The following DLGAP4 variants were observed in gnomAD, a reference collection of about 807,000 sequenced individuals.
The protein encoded by DLGAP4 is DLG associated protein 4.
A neutral mutation model predicts 86.9 loss-of-function variants in DLGAP4; 18 were observed. That is an observed-to-expected ratio of 0.21 (90% CI 0.14 to 0.31). The LOEUF (loss-of-function observed/expected upper bound fraction) is 0.31. Among genes scored for constraint, DLGAP4 ranks in the 10% least tolerant of loss-of-function variants. The probability of loss-of-function intolerance (pLI) is 1.00; values close to 1 mark genes in which losing one functional copy is unlikely to be tolerated. For synonymous variants in DLGAP4, 548 were observed against 574.3 expected, an observed-to-expected ratio of 0.95 and a Z score of 0.65; for missense variants, 1,085 against 1,362.6, an observed-to-expected ratio of 0.80 and a Z score of 3.21.
At chr20:36,526,368 T>C (rs2037761448) in intron 12 of DLGAP4, among the ~76,000 whole-genome samples, 1 of 152,110 alleles carries the variant, frequency 6.6e-6, no homozygotes. Context: ...TGTGACCTTG[T>C]GGTAGCCAGC....
intron 2 of DLGAP4, among the ~76,000 whole-genome samples, chr20:36,409,449 G>C (rs1166295554): frequency 1.4e-5 from 2 of 143,052 alleles, no homozygotes; most frequent in South Asian, 2.1e-4. Flanking sequence ...AGAAACATAG[G>C]CTGTGTGCAG....
At chr20:36,356,072 T>G (rs1158146103) in intron 1 of DLGAP4, among the ~76,000 whole-genome samples, 1 of 152,258 alleles carries the variant, frequency 6.6e-6, no homozygotes, top group African/African-American at 2.4e-5. Flanking sequence ...CTGGAACAGC[T>G]GCCCTTTTTC....
intron 1 of DLGAP4, among the ~76,000 whole-genome samples, chr20:36,333,667 C>G (rs1340901488): frequency 6.6e-6 from 1 of 152,206 alleles, no homozygotes; most frequent in Non-Finnish European, 1.5e-5. Context: ...CCACTCTGCC[C>G]TTCTGCCCTG....
chr20:36,422,712 ACT>A (rs1193743168), intron 2 of DLGAP4, among the ~76,000 whole-genome samples: 3 of 152,056 alleles, frequency 2.0e-5, no homozygotes, highest in African/African-American at 2.4e-5. Flanking sequence ...GGGAGGTCTC[ACT>A]CTGGCATGTG....
In DLGAP4 at chr20:36,446,872, T is replaced by A. The variant is rs770139895; in HGVS notation, c.1583T>A (p.Val528Asp). ...QAGCSQEEDSVSLQSLSPPPS... is the reference protein window; with the variant it reads ...QAGCSQEEDSDSLQSLSPPPS... ...GGCTGCTCGCAGGAGGAGGACAGTG[T>A]CTCCCTGCAGTCCCTCTCCCCACCG... The change falls in exon 7 of 13, where the codon GTC (valine) becomes GAC (aspartate). Residue 528 changes from valine to aspartate, a missense_variant. Physicochemically the swap from Val to Asp is radical, Grantham distance 152 (BLOSUM62 -3). This residue lies in a region of DLGAP4 where 1,082 missense variants were observed against 1,344.1 expected (regional missense o/e 0.81). Transcript: ENST00000339266. The A allele has an allele frequency of 6.2e-7, 1 of 1,613,300 alleles. No individual in the cohort carries two copies. Among genetic ancestry groups the A allele is most frequent in the Non-Finnish European group, 8.5e-7 (1 of 1,179,926 alleles).
At chr20:36,386,318 G>A (rs1412733298) in intron 2 of DLGAP4, among the ~76,000 whole-genome samples, 5 of 151,920 alleles carry the variant, frequency 3.3e-5, no homozygotes, top group African/African-American at 7.3e-5. Context: ...TTGACCTCAT[G>A]TTCAGCACCT....
At chr20:36,398,099 C>T (rs1444293181) in intron 2 of DLGAP4, among the ~76,000 whole-genome samples, 3 of 152,082 alleles carry the variant, frequency 2.0e-5, no homozygotes, top group Admixed American at 2.0e-4. Context: ...CCAGCCTGGG[C>T]GACAAAAAAA....
At chr20:36,313,551 G>T (rs1355371663) in intron 1 of DLGAP4, among the ~76,000 whole-genome samples, 1 of 151,678 alleles carries the variant, frequency 6.6e-6, no homozygotes, top group Admixed American at 6.6e-5. Flanking sequence ...TCTGGGGTGG[G>T]GGGGGGTCAC....
Position 36,432,843 on chromosome 20 carries a change from A to C in DLGAP4, c.999+127A>C. Reference sequence around the variant, plus strand: ...CTGGGCCTCTGTGGCTCAGCTATAAAATGGGTGGCCTAGTGGTACCTGCTA... The same window carrying C: ...CTGGGCCTCTGTGGCTCAGCTATAACATGGGTGGCCTAGTGGTACCTGCTA... On this transcript the variant is annotated intron_variant, in intron 3 of 12. Coordinates refer to ENST00000339266, the MANE Select transcript of DLGAP4 (RefSeq NM_001365621.2). The surrounding 1 kb of genome is among the most constrained non-coding windows in gnomAD (Gnocchi z 6.5). 7.9e-7 allele frequency: 1 copy of C among 1,259,398 alleles called. No homozygotes were observed. Among genetic ancestry groups the C allele is most frequent in the Non-Finnish European group, 1.1e-6 (1 of 909,440 alleles). 78.0% of individuals were successfully genotyped at this position (1,259,398 alleles called of 1,614,324 possible).
At chr20:36,390,076 T>C (rs1403906000) in intron 2 of DLGAP4, among the ~76,000 whole-genome samples, 1 of 152,080 alleles carries the variant, frequency 6.6e-6, no homozygotes, top group Admixed American at 6.5e-5. Context: ...CAGGCTGAAA[T>C]AGGGGCAGAG....
intron 7 of DLGAP4, among the ~76,000 whole-genome samples, chr20:36,476,011 A>T (rs528256127): frequency 9.7e-4 from 147 of 151,312 alleles, no homozygotes; most frequent in African/African-American, 3.5e-3. Flanking sequence ...GGCACGCGCC[A>T]CCACACCTGG....
chr20:36,526,953 T>C lies in DLGAP4; in HGVS notation c.2901T>C (p.Ala967=), dbSNP rs757845453. The C allele has an allele frequency of 8.1e-6, 13 of 1,613,584 alleles. No individual in the cohort carries two copies. Among genetic ancestry groups the C allele is most frequent in the African/African-American group, 1.3e-5 (1 of 74,814 alleles). Residue 967 remains alanine (A), a synonymous_variant, in exon 13 of 13, where the codon GCT becomes GCC. Transcript: ENST00000339266. ...GACTCCTGGCGGCCAAGCGGGCAGCTTCTGTGCGGCAGAACTCAGCCACCG... is the reference window on the plus strand; with the variant it reads ...GACTCCTGGCGGCCAAGCGGGCAGCCTCTGTGCGGCAGAACTCAGCCACCG... ...RKRLLAAKRA[A]SVRQNSATES...
chr20:36,327,269 G>C (rs1555891065), intron 1 of DLGAP4, among the ~76,000 whole-genome samples: 5 of 151,864 alleles, frequency 3.3e-5, no homozygotes, highest in African/African-American at 1.2e-4. Flanking sequence ...CAAAGTGCTG[G>C]GATTACAGGC....
At chr20:36,315,984 T>C (rs2147337469) in intron 1 of DLGAP4, among the ~76,000 whole-genome samples, 1 of 152,250 alleles carries the variant, frequency 6.6e-6, no homozygotes, top group South Asian at 2.1e-4. Flanking sequence ...TCAGGAACCA[T>C]TTGCAAGACT....
chr20:36,353,269 C>T (rs1287005469), intron 1 of DLGAP4, among the ~76,000 whole-genome samples: 2 of 152,164 alleles, frequency 1.3e-5, no homozygotes, highest in Non-Finnish European at 2.9e-5. Flanking sequence ...AGAGGAAGAC[C>T]CCCTCCAACC....
chr20:36,426,343 G>A (rs1600513327), intron 2 of DLGAP4, among the ~76,000 whole-genome samples: 2 of 152,066 alleles, frequency 1.3e-5, no homozygotes, highest in East Asian at 1.9e-4. Context: ...GGTGAAACCC[G>A]TTCTCCACTA....
chr20:36,438,958 A>T (rs1191489782), intron 4 of DLGAP4, among the ~76,000 whole-genome samples: 1 of 152,036 alleles, frequency 6.6e-6, no homozygotes, highest in East Asian at 1.9e-4. Flanking sequence ...GAGCTGGAGG[A>T]TCTCTAAGAC....
intron 1 of DLGAP4, among the ~76,000 whole-genome samples, chr20:36,307,859 T>G (rs2065019247): frequency 6.6e-6 from 1 of 152,206 alleles, no homozygotes; most frequent in Non-Finnish European, 1.5e-5. Flanking sequence ...GGGAATCAGT[T>G]GTACAGGACC....
intron 1 of DLGAP4, among the ~76,000 whole-genome samples, chr20:36,343,141 C>T (rs2065400868): frequency 6.6e-6 from 1 of 152,180 alleles, no homozygotes; most frequent in South Asian, 2.1e-4. Flanking sequence ...GAAGTGCCGG[C>T]AGCTCACCGG....
Sources: gnomAD v4.1 joint callset for allele counts (sites outside exome capture counted in the v4.1 genomes callset) on GRCh38, gnomAD v4.1.1 for gene constraint, gnomAD v4.1.1 regional missense constraint, Gnocchi (gnomAD v3.1) non-coding constraint, MANE v1.5 for transcripts, NCBI Gene and HGNC (gene_info 2026-07-23, HGNC 2026-07-21) for gene names.